ZNF541: variants seen among roughly 807,000 people sequenced by gnomAD.
ZNF541 encodes zinc finger protein 541.
In ZNF541, 23 loss-of-function variants were observed where a neutral mutation model predicts 123.5. The ratio of observed to expected loss-of-function variants is 0.19; its 90% CI spans 0.13 to 0.26. ZNF541 has a LOEUF of 0.26. Ranked by LOEUF, ZNF541 falls within the 10% of genes least tolerant of loss-of-function variation. The pLI, the probability that ZNF541 is intolerant of heterozygous loss-of-function variation, is 1.00. For missense variants in ZNF541, 1,612 were observed against 1,789.9 expected, an observed-to-expected ratio of 0.90 and a Z score of 1.79; for synonymous variants, 751 against 754.5, an observed-to-expected ratio of 1.00 and a Z score of 0.08.
Position 47,555,623 on chromosome 19 carries a change from G to A in ZNF541, c.234C>T (p.Tyr78=). 2 of 1,551,710 alleles carry A rather than the reference G, an allele frequency of 1.3e-6. No homozygotes were observed. The highest frequency in any genetic ancestry group is 1.7e-6 in the Non-Finnish European group (2 of 1,147,008). ...LEDNLDTLSL[Y]SGKDSDSVKL... is the part of the protein sequence containing the mutation. The stretch of plus-strand genomic sequence containing the variant: ...TCACAGAATCACTGTCCTTCCCGGA[G>A]TACAGGGACAAGGTGTCTAAGTTGT... Residue 78 remains tyrosine (Y), a synonymous_variant, in exon 3 of 17, where the codon TAC becomes TAT. Transcript: ENST00000391901.
Position 47,545,691 on chromosome 19 carries a change from T to C in ZNF541, c.838A>G (p.Ser280Gly). The change falls in exon 5 of 17, where the codon AGT becomes GGT. Residue 280 changes from serine (S) to glycine (G), a missense_variant. By Grantham distance (56) the Ser-to-Gly change is moderately conservative. Around this residue, in one of 5 missense-constraint regions of ZNF541, gnomAD observed 1,080 missense variants for 1,013.8 expected, o/e 1.07. Coordinates refer to ENST00000391901, the MANE Select transcript of ZNF541 (RefSeq NM_001277075.3). This position sits in a 1 kb window ranked among gnomAD's most constrained non-coding sequence, Gnocchi z 7.5. The stretch of plus-strand genomic sequence containing the variant: ...GGGGTCTTCTGGTGGACGATGCTAC[T>C]CACGATGCGGCGCAGGAGGTCCCGG... ...PHRDLLRRIV[S>G]SIVHQKTPSP... 1 of 1,548,018 alleles carries C rather than the reference T, an allele frequency of 6.5e-7. No individual in the cohort carries two copies. The highest frequency in any genetic ancestry group is 8.7e-7 in the Non-Finnish European group (1 of 1,146,652).
intron 2 of ZNF541, among the ~76,000 whole-genome samples, chr19:47,558,687 G>A (rs1475298069): frequency 2.0e-5 from 3 of 150,132 alleles, no homozygotes; most frequent in African/African-American, 2.4e-5. Context: ...TCCGCCTCCC[G>A]GGTTTAAGCA....
At chr19:47,536,746 G>T (rs567600648) in intron 9 of ZNF541, among the ~76,000 whole-genome samples, 1 of 152,226 alleles carries the variant, frequency 6.6e-6, no homozygotes, top group South Asian at 2.1e-4. Flanking sequence ...TGACAAGAGT[G>T]AGACCTTGTC....
At chr19:47,553,433 G>T (rs1164834466) in intron 3 of ZNF541, among the ~76,000 whole-genome samples, 1 of 130,588 alleles carries the variant, frequency 7.7e-6, no homozygotes, top group Non-Finnish European at 1.6e-5. Flanking sequence ...TTTTTGAGAC[G>T]GAGTCTTGCT....
chr19:47,563,392 G>C (rs1971141529), intron 2 of ZNF541, among the ~76,000 whole-genome samples: 1 of 152,138 alleles, frequency 6.6e-6, no homozygotes, highest in South Asian at 2.1e-4. Context: ...GGTCAGGTTT[G>C]GCCACCAGAT....
intron 4 of ZNF541, among the ~76,000 whole-genome samples, chr19:47,546,488 G>T (rs1216828260): frequency 1.3e-5 from 2 of 151,570 alleles, no homozygotes; most frequent in East Asian, 1.9e-4. Context: ...CTCCAGCCTG[G>T]GTGACAGAGT....
intron 9 of ZNF541, among the ~76,000 whole-genome samples, 186 bp downstream of exon 9, chr19:47,537,956 T>C (rs1969899055): frequency 6.6e-6 from 1 of 152,126 alleles, no homozygotes; most frequent in South Asian, 2.1e-4. Context: ...TTTCGGGCTG[T>C]AAAATTCTAT....
At chr19:47,549,831 T>A (rs1229850494) in intron 3 of ZNF541, among the ~76,000 whole-genome samples, 1 of 152,116 alleles carries the variant, frequency 6.6e-6, no homozygotes, top group Non-Finnish European at 1.5e-5. Context: ...GTAGAAATCC[T>A]TGCACACACC....
chr19:47,547,330 T>G (rs975511602), intron 4 of ZNF541, among the ~76,000 whole-genome samples: 1 of 152,108 alleles, frequency 6.6e-6, no homozygotes, highest in East Asian at 1.9e-4. Flanking sequence ...AACAGCCAAA[T>G]GTGCCTATAG....
intron 9 of ZNF541, among the ~76,000 whole-genome samples, chr19:47,533,779 A>C (rs977195793): frequency 7.2e-5 from 11 of 152,146 alleles, no homozygotes; most frequent in African/African-American, 2.7e-4. Context: ...AGGCAGAGTG[A>C]GCCGAGACTG....
intron 8 of ZNF541, 65 bp downstream of exon 8, chr19:47,539,640 T>C: frequency 7.3e-7 from 1 of 1,371,302 alleles, no homozygotes; most frequent in Non-Finnish European, 9.4e-7. Flanking sequence ...GTTTGGGTTT[T>C]TCCTACGGCT....
At chr19:47,522,851 A>G (rs1387067866) in intron 14 of ZNF541, among the ~76,000 whole-genome samples, 1 of 148,510 alleles carries the variant, frequency 6.7e-6, no homozygotes. Context: ...GGTCCAAGTG[A>G]TTCTCCTGCC....
intron 5 of ZNF541, among the ~76,000 whole-genome samples, chr19:47,541,662 A>G (rs1970086487): frequency 6.6e-6 from 1 of 152,244 alleles, no homozygotes; most frequent in South Asian, 2.1e-4. Flanking sequence ...AAGGTGTTCA[A>G]CGTCAGCAGC....
chr19:47,566,243 A>C (rs936490295), intron 2 of ZNF541, among the ~76,000 whole-genome samples: 1 of 152,074 alleles, frequency 6.6e-6, no homozygotes, highest in Admixed American at 6.6e-5. Context: ...GGGGAAACAA[A>C]GGATTCTTCT....
At chr19:47,552,201 A>G (rs951287337) in intron 3 of ZNF541, among the ~76,000 whole-genome samples, 1 of 152,204 alleles carries the variant, frequency 6.6e-6, no homozygotes, top group East Asian at 1.9e-4. Context: ...CAGGGATACT[A>G]TGGAGATGGG....
At chr19:47,532,011 C>A in intron 11 of ZNF541, 117 bp downstream of exon 11, 1 of 1,379,482 alleles carries the variant, frequency 7.2e-7, no homozygotes. Flanking sequence ...CCCTCCCACG[C>A]CCAGGGGACA....
chr19:47,527,723 G>T (rs767321102), intron 14 of ZNF541, among the ~76,000 whole-genome samples: 17 of 148,334 alleles, frequency 1.1e-4, no homozygotes, highest in Non-Finnish European at 2.5e-4. Flanking sequence ...TTTTGAGACG[G>T]AGTTTCACTC....
intron 5 of ZNF541, among the ~76,000 whole-genome samples, chr19:47,542,690 G>A (rs1970132495): frequency 6.6e-6 from 1 of 151,982 alleles, no homozygotes; most frequent in South Asian, 2.1e-4. Context: ...GCTCACACCT[G>A]CAATCTCAGC....
chr19:47,535,057 C>T (rs1403329942), intron 9 of ZNF541, among the ~76,000 whole-genome samples: 5 of 151,694 alleles, frequency 3.3e-5, no homozygotes, highest in African/African-American at 7.3e-5. Flanking sequence ...TGGGTTCAAG[C>T]GATTCTCTGT....
Sources: gnomAD v4.1 joint callset for allele counts (sites outside exome capture counted in the v4.1 genomes callset) on GRCh38, gnomAD v4.1.1 for gene constraint, gnomAD v4.1.1 regional missense constraint, Gnocchi (gnomAD v3.1) non-coding constraint, MANE v1.5 for transcripts, NCBI Gene and HGNC (gene_info 2026-07-23, HGNC 2026-07-21) for gene names.